The following DMD variants were observed in gnomAD, a reference collection of about 807,000 sequenced individuals.
DMD encodes the protein mutant dystrophin.
DMD carries 63 observed loss-of-function variants against 330.1 expected under a neutral mutation model. The ratio of observed to expected loss-of-function variants is 0.19; its 90% CI spans 0.16 to 0.24. The LOEUF (loss-of-function observed/expected upper bound fraction) is 0.24, where lower values mean the gene tolerates loss of function less well. DMD is among the 10% of genes least tolerant of loss of function. The pLI is 1.00. For missense variants in DMD, 3,344 were observed against 2,684.1 expected (o/e 1.25, Z -5.43); for synonymous variants, 1,223 against 959.8 (o/e 1.27, Z -5.07).
chrX:33,039,008 AG>A (rs1210651876), intron 1 of DMD, among the ~76,000 whole-genome samples: 1 of 112,007 alleles, frequency 8.9e-6, no homozygotes, highest in Admixed American at 9.5e-5. Flanking sequence ...AAGAAAAAAA[AG>A]AAAAATGAAA....
chrX:32,316,676 A>G (rs1353191343), intron 41 of DMD, among the ~76,000 whole-genome samples: 1 of 111,430 alleles, frequency 9.0e-6, no homozygotes, highest in Non-Finnish European at 1.9e-5. Context: ...ATTAAGTTTG[A>G]ATATTCTCAT....
rs749898484 is a variant in DMD, at chrX:32,182,317, T to C, written c.6438+34599A>G. On this transcript the variant is annotated intron_variant, in intron 44 of 78. Transcript: ENST00000357033. ...TTAACACCAGATTTTATTGGATATG[T>C]AATTTTATATACATATTGTATTACA... is the stretch of plus-strand genomic sequence containing the variant. Among the ~76,000 whole-genome samples the C allele has an allele frequency of 4.4e-5, 5 of 112,478 alleles. No homozygotes were observed. In the East Asian group the frequency reaches 1.4e-3, roughly 32 times the overall value.
At chrX:32,677,413 C>A (rs754845459) in intron 9 of DMD, among the ~76,000 whole-genome samples, 1 of 111,360 alleles carries the variant, frequency 9.0e-6, no homozygotes, top group East Asian at 2.8e-4. Context: ...ATTTCATTAA[C>A]AAAAAGAAAT....
At chrX:32,870,978 A>AG (rs2082926285) in intron 2 of DMD, among the ~76,000 whole-genome samples, 2 of 83,714 alleles carry the variant, frequency 2.4e-5, no homozygotes, top group African/African-American at 4.2e-5. Context: ...AAAAAAAAAA[A>AG]AAAAAAAAAA....
chrX:32,563,342 C>CAAAAAAAAAAAAAAAAAAAA (rs745316161), intron 16 of DMD, among the ~76,000 whole-genome samples: 1 of 42,853 alleles, frequency 2.3e-5, no homozygotes, highest in African/African-American at 9.1e-5. Context: ...GACTCCATCT[C>CAAAAAAAAAAAAAAAAAAAA]AAAAAAAAAA....
intron 2 of DMD, among the ~76,000 whole-genome samples, chrX:32,892,874 AAG>A (rs1360164513): frequency 8.9e-6 from 1 of 112,050 alleles, no homozygotes. Context: ...AAGGAATGGG[AAG>A]AGTTACAAAC....
At chrX:31,321,355 C>T (rs370870005) in intron 62 of DMD, among the ~76,000 whole-genome samples, 3 of 109,022 alleles carry the variant, frequency 2.8e-5, no homozygotes, top group Non-Finnish European at 3.8e-5. Flanking sequence ...GAGGCCGAGG[C>T]GGGTGGATCA....
chrX:31,750,626 G>C (rs1276471517), intron 51 of DMD, among the ~76,000 whole-genome samples: 2 of 110,607 alleles, frequency 1.8e-5, no homozygotes, highest in East Asian at 2.9e-4. Flanking sequence ...ATTCAACATA[G>C]TGTTGGAAGT....
intron 7 of DMD, among the ~76,000 whole-genome samples, chrX:32,775,140 C>A (rs2074008374): frequency 8.9e-6 from 1 of 112,809 alleles, no homozygotes; most frequent in Admixed American, 9.3e-5. Flanking sequence ...CCAGGGCAGG[C>A]TGATGCAAGG....
At chrX:33,074,002 T>C (rs1440903645) in intron 1 of DMD, among the ~76,000 whole-genome samples, 1 of 111,592 alleles carries the variant, frequency 9.0e-6, no homozygotes, top group Non-Finnish European at 1.9e-5. Flanking sequence ...AAATACGGCC[T>C]GAGAAGGACT....
chrX:32,042,026 C>CATATATAT (rs57983190), intron 44 of DMD, among the ~76,000 whole-genome samples: 9 of 40,459 alleles, frequency 2.2e-4, no homozygotes, highest in African/African-American at 5.1e-4. Flanking sequence ...TCTCTCTGTT[C>CATATATAT]ATATATATAT....
rs764995795 is a variant in DMD at position 32,249,078 on chromosome X, C to G, written c.6291-32015G>C. On this transcript the variant is annotated intron_variant, in intron 43 of 78. Transcript: ENST00000357033. ...AGTTAGACATTAGTTTTATTCCAGCCTAGGAGAATTCTCATTCATTCCCAT... is the reference window on the plus strand; with the variant it reads ...AGTTAGACATTAGTTTTATTCCAGCGTAGGAGAATTCTCATTCATTCCCAT... Among the ~76,000 whole-genome samples, 3 of 111,081 alleles carry G rather than the reference C, an allele frequency of 2.7e-5. No homozygotes were observed. In the East Asian group the frequency reaches 8.5e-4, roughly 32 times the overall value.
At chrX:32,412,723 T>G (rs1414106603) in intron 29 of DMD, among the ~76,000 whole-genome samples, 4 of 111,487 alleles carry the variant, frequency 3.6e-5, no homozygotes, top group Non-Finnish European at 7.5e-5. Context: ...TATTGGGAAT[T>G]CATTATGTGT....
intron 1 of DMD, among the ~76,000 whole-genome samples, chrX:33,160,533 C>T (rs2048720996): frequency 8.9e-6 from 1 of 112,129 alleles, no homozygotes; most frequent in African/African-American, 3.2e-5. Flanking sequence ...GTACATGGAA[C>T]CCTTAAATAC....
intron 9 of DMD, among the ~76,000 whole-genome samples, chrX:32,682,224 C>A (rs1357589389): frequency 2.7e-5 from 3 of 111,742 alleles, no homozygotes; most frequent in Non-Finnish European, 3.8e-5. Flanking sequence ...ATGCTTGGTT[C>A]ACTGTCTCTC....
intron 67 of DMD, among the ~76,000 whole-genome samples, chrX:31,189,442 G>A (rs990864763): frequency 9.0e-6 from 1 of 111,322 alleles, no homozygotes. Flanking sequence ...CATCTCTTGA[G>A]TACTGCATTT....
intron 9 of DMD, among the ~76,000 whole-genome samples, chrX:32,668,145 C>A (rs2061426371): frequency 9.2e-6 from 1 of 108,850 alleles, no homozygotes; most frequent in Admixed American, 9.7e-5. Context: ...GAGACTCCAT[C>A]TCGGGAAAAA....
chrX:33,011,209 A>C (rs753593230), intron 2 of DMD, among the ~76,000 whole-genome samples: 5 of 111,319 alleles, frequency 4.5e-5, no homozygotes, highest in Non-Finnish European at 9.4e-5. Flanking sequence ...CACAGTCTTC[A>C]ATCAGAAGTT....
At chrX:31,128,824 CT>C (rs1190810490) in intron 77 of DMD, among the ~76,000 whole-genome samples, 1 of 111,605 alleles carries the variant, frequency 9.0e-6, no homozygotes, top group Non-Finnish European at 1.9e-5. Context: ...AAGGAAGGTC[CT>C]TTTTTTCACT....
Sources: gnomAD v4.1 joint callset for allele counts (sites outside exome capture counted in the v4.1 genomes callset) on GRCh38, gnomAD v4.1.1 for gene constraint, MANE v1.5 for transcripts, NCBI Gene and HGNC (gene_info 2026-07-23, HGNC 2026-07-21) for gene names.